The following HDHD2 variants were observed in gnomAD, a reference collection of about 807,000 sequenced individuals.
The protein encoded by HDHD2 is haloacid dehalogenase-like hydrolase domain-containing protein 2.
Under a neutral mutation model 24.8 loss-of-function variants are expected in HDHD2, and 26 were observed. The ratio of observed to expected loss-of-function variants is 1.05; its 90% CI spans 0.77 to 1.45. The LOEUF is 1.45. HDHD2 is among the 40% of genes most tolerant of loss of function. The pLI is 0.00. For missense variants in HDHD2, 299 were observed against 313.4 expected (o/e 0.95, Z 0.35); for synonymous variants, 128 against 114.9 (o/e 1.11, Z -0.73).
rs56267001 is a variant in HDHD2 at position 47,130,105 on chromosome 18, C to T, written c.395+139G>A. On this transcript the variant is annotated intron_variant, in intron 4 of 6. Coordinates refer to ENST00000300605, the MANE Select transcript of HDHD2 (RefSeq NM_032124.5). ...AGATAGTAATACATATTATTTGATG[C>T]TGATCTTGAAGATGTCTATCCTAAT... The T allele has an allele frequency of 2.0e-3, 1,071 of 530,498 alleles. 9 individuals are homozygous for T. The highest frequency in any genetic ancestry group is 0.019 in the African/African-American group (963 of 50,996). 32.9% of individuals were successfully genotyped at this position (530,498 alleles called of 1,614,324 possible).
chr18:47,117,829 A>T (rs995230434), intron 4 of HDHD2, among the ~76,000 whole-genome samples: 2 of 151,930 alleles, frequency 1.3e-5, no homozygotes, highest in African/African-American at 4.8e-5. Flanking sequence ...AATTATTATA[A>T]GAAATAATTA....
At position 47,122,651 on chromosome 18, in the gene HDHD2, G is replaced by A. The variant is rs2684817; in HGVS notation, c.396-7303C>T. ...CTAGTGAATCATGAAAAACACGAAA[G>A]GAAAATCCCACTAACATTTAATTAA... On this transcript the variant is annotated intron_variant, in intron 4 of 6. Transcript: ENST00000300605. Among the ~76,000 whole-genome samples the A allele has an allele frequency of 9.2e-5, 14 of 152,070 alleles. No homozygotes were observed. In the East Asian group the frequency reaches 1.9e-3, roughly 21 times the overall value.
At chr18:47,131,909 G>A (rs1464116458) in intron 3 of HDHD2, among the ~76,000 whole-genome samples, 1 of 152,140 alleles carries the variant, frequency 6.6e-6, no homozygotes, top group Non-Finnish European at 1.5e-5. Context: ...GAGTGGTTAT[G>A]CCACCAACCT....
At chr18:47,146,716 G>A (rs1205412137) in intron 1 of HDHD2, among the ~76,000 whole-genome samples, 1 of 152,114 alleles carries the variant, frequency 6.6e-6, no homozygotes, top group African/African-American at 2.4e-5. Context: ...ATCTACTAGA[G>A]GGTGAAAAAA....
At chr18:47,137,273 G>A in intron 1 of HDHD2, 1 of 522,786 alleles carries the variant, frequency 1.9e-6, no homozygotes, top group Non-Finnish European at 3.6e-6. Flanking sequence ...TACAATGGAT[G>A]TGTTCCAGTA....
rs145779132 is a variant in HDHD2 at position 47,129,824 on chromosome 18, G to C, written c.395+420C>G. Among the ~76,000 whole-genome samples, 4 of 152,272 alleles carry C rather than the reference G, an allele frequency of 2.6e-5. No individual in the cohort carries two copies. In the East Asian group the frequency reaches 5.8e-4, roughly 22 times the overall value. The stretch of plus-strand genomic sequence containing the variant: ...GTGCTGGCACACGCCTGTAATTCCA[G>C]CACTTTTGAGAGGCTGAGGTGGGCA... On this transcript the variant is annotated intron_variant, in intron 4 of 6. Transcript: ENST00000300605.
rs143514214 is a variant in HDHD2 at position 47,134,553 on chromosome 18, G to A, written c.253C>T (p.Arg85Trp). The A allele has an allele frequency of 8.4e-4, 1,349 of 1,614,050 alleles. 8 individuals carry two copies. The highest frequency in any genetic ancestry group is 7.8e-3 in the South Asian group (708 of 91,058). ...AGCAGCATGGGTCTGACTTGTTTCC[G>A]CTCTAGTAAACTTCTGGCTGCAGTC... ...SLTAARSLLE[R>W]KQVRPMLLVD... is the part of the protein sequence containing the mutation. The change falls in exon 3 of 7, where the codon CGG (arginine) becomes TGG (tryptophan). Residue 85 changes from arginine (R) to tryptophan (W), a missense_variant. By Grantham distance (101) the Arg-to-Trp change is moderately radical. Transcript: ENST00000300605.
chr18:47,138,171 C>CGCA (rs2063785377), intron 1 of HDHD2, among the ~76,000 whole-genome samples: 1 of 54,888 alleles, frequency 1.8e-5, no homozygotes, highest in Non-Finnish European at 3.0e-5. Context: ...GATTCTGTCG[C>CGCA]AAAAAAAAAA....
intron 4 of HDHD2, among the ~76,000 whole-genome samples, chr18:47,127,621 T>C (rs1312753475): frequency 6.6e-6 from 1 of 151,344 alleles, no homozygotes; most frequent in Non-Finnish European, 1.5e-5. Context: ...ATTACTTAAA[T>C]GCTCAAACTT....
chr18:47,127,005 C>CA (rs1025878551), intron 4 of HDHD2, among the ~76,000 whole-genome samples: 8 of 151,910 alleles, frequency 5.3e-5, no homozygotes, highest in Non-Finnish European at 1.0e-4. Context: ...ACTAAAAATA[C>CA]AAAAAATTAG....
chr18:47,136,943 TC>T, intron 1 of HDHD2: 1 of 481,868 alleles, frequency 2.1e-6, no homozygotes, highest in Non-Finnish European at 3.8e-6. Flanking sequence ...TGCCACCTCC[TC>T]CTTTTTGCCA....
At chr18:47,143,833 T>C (rs985285689) in intron 1 of HDHD2, among the ~76,000 whole-genome samples, 2 of 152,212 alleles carry the variant, frequency 1.3e-5, no homozygotes, top group African/African-American at 4.8e-5. Context: ...AAAGAACATG[T>C]ACTAGCTCAG....
At position 47,108,015 on chromosome 18, in the gene HDHD2, G is replaced by C. The variant is rs570329352; in HGVS notation, c.*667C>G. 6.6e-6 allele frequency: 1 copy of C among 152,562 alleles called. No homozygotes were observed. The highest frequency in any genetic ancestry group is 2.4e-5 in the African/African-American group (1 of 41,414). 9.5% of individuals were successfully genotyped at this position (152,562 alleles called of 1,614,324 possible). On this transcript the variant is annotated 3_prime_UTR_variant, in exon 7 of 7. Transcript: ENST00000300605. ...GTATAATAGGTATCTGCAATGAATA[G>C]GTTATTAATGGAAATATTAATTTAA...
Position 47,133,171 on chromosome 18 carries a change from G to T in HDHD2, c.310+1325C>A, listed in dbSNP as rs1248227014. On this transcript the variant is annotated intron_variant, in intron 3 of 6. Transcript: ENST00000300605. ...TCCCCCCACCCCACAACAGGCCCCAGTGTGTGATGTTCCCCTTCCTGTGTC... is the reference window on the plus strand; with the variant it reads ...TCCCCCCACCCCACAACAGGCCCCATTGTGTGATGTTCCCCTTCCTGTGTC... Among the ~76,000 whole-genome samples the T allele has an allele frequency of 2.0e-5, 3 of 146,744 alleles. No individual in the cohort carries two copies. In the Admixed American group the frequency reaches 2.0e-4, roughly 10 times the overall value.
At position 47,112,927 on chromosome 18, in the gene HDHD2, T is replaced by C. The variant is rs769562011; in HGVS notation, c.676+50A>G. 4.9e-6 allele frequency: 7 copies of C among 1,440,858 alleles called. No individual in the cohort carries two copies. In the East Asian group the frequency reaches 1.6e-4, roughly 33 times the overall value. The allele number at this position is 1,440,858 out of a possible 1,614,324, so 89.3% of individuals were successfully genotyped here. On this transcript the variant is annotated intron_variant, in intron 6 of 6. Transcript: ENST00000300605. ...GCAAAGATTGTTCTTTAAGCAACTG[T>C]GTATTCTACTATTCTGTTTTAGAAA...
intron 5 of HDHD2, 99 bp from the exon 6 acceptor site, chr18:47,113,139 T>C: frequency 1.1e-6 from 1 of 914,946 alleles, no homozygotes; most frequent in Non-Finnish European, 1.8e-6. Context: ...CCAACTGTAA[T>C]GCCATGTTTT....
At chr18:47,120,580 G>T (rs1299259013) in intron 4 of HDHD2, among the ~76,000 whole-genome samples, 1 of 152,200 alleles carries the variant, frequency 6.6e-6, no homozygotes, top group Non-Finnish European at 1.5e-5. Flanking sequence ...GCTCACTGGA[G>T]TAGCACTTTT....
intron 1 of HDHD2, among the ~76,000 whole-genome samples, chr18:47,148,166 CT>C (rs2063892418): frequency 1.3e-5 from 2 of 151,890 alleles, no homozygotes; most frequent in African/African-American, 4.8e-5. Context: ...AATTTTTGTA[CT>C]TTTAGTAGAG....
chr18:47,139,285 C>A (rs2144371449), intron 1 of HDHD2, among the ~76,000 whole-genome samples: 1 of 146,512 alleles, frequency 6.8e-6, no homozygotes, highest in East Asian at 2.0e-4. Context: ...GGTGAAACCC[C>A]ATCTCTACTA....
Sources: allele counts gnomAD v4.1 joint callset (sites outside exome capture counted in the v4.1 genomes callset), GRCh38; gene constraint gnomAD v4.1.1; transcripts MANE v1.5; gene names NCBI Gene and HGNC (gene_info 2026-07-23, HGNC 2026-07-21).